Variants in GFRAL observed in about 807,000 individuals in gnomAD.
GFRAL encodes GDNF family receptor alpha-like.
GFRAL carries 36 observed loss-of-function variants against 45.4 expected under a neutral mutation model. That is an observed-to-expected ratio of 0.79 (90% CI 0.61 to 1.05). The LOEUF (loss-of-function observed/expected upper bound fraction) is 1.05, where lower values mean the gene tolerates loss of function less well. Ranked by LOEUF, GFRAL falls within the 50% of genes least tolerant of loss-of-function variation. The pLI is 0.00. For missense variants in GFRAL, 507 were observed against 467.5 expected (o/e 1.08, Z -0.78); for synonymous variants, 166 against 154.1 (o/e 1.08, Z -0.57).
intron 6 of GFRAL, among the ~76,000 whole-genome samples, chr6:55,389,410 GAAATCTCT>G (rs1768719214): frequency 5.9e-5 from 9 of 152,114 alleles, no homozygotes; most frequent in Non-Finnish European, 1.5e-5. Flanking sequence ...ATAGAACCCA[GAAATCTCT>G]CATTGCTCCA....
At chr6:55,371,566 G>A (rs1768450507) in intron 6 of GFRAL, among the ~76,000 whole-genome samples, 2 of 152,204 alleles carry the variant, frequency 1.3e-5, no homozygotes, top group South Asian at 2.1e-4. Context: ...CATTAAGTCT[G>A]ACATTTGTCA....
chr6:55,373,294 G>A (rs1013800383), intron 6 of GFRAL, among the ~76,000 whole-genome samples: 1 of 151,984 alleles, frequency 6.6e-6, no homozygotes, highest in Non-Finnish European at 1.5e-5. Context: ...ATTTTTCCAC[G>A]GCCATATCTG....
intron 2 of GFRAL, among the ~76,000 whole-genome samples, chr6:55,332,434 A>C (rs1344070137): frequency 1.4e-5 from 2 of 140,644 alleles, no homozygotes; most frequent in South Asian, 2.2e-4. Context: ...TTTTTTTTTT[A>C]TTTTGAGACT....
At position 55,387,862 on chromosome 6, in the gene GFRAL, C is replaced by T. The variant is rs988897969; in HGVS notation, c.953-11318C>T. Among the ~76,000 whole-genome samples, 8 of 152,104 alleles carry T rather than the reference C, an allele frequency of 5.3e-5. 1 individual carries two copies. Among genetic ancestry groups the T allele is most frequent in the Admixed American group, 2.0e-4 (3 of 15,268 alleles). On this transcript the variant is annotated intron_variant, in intron 6 of 8. Coordinates refer to ENST00000340465, the MANE Select transcript of GFRAL (RefSeq NM_207410.2). Reference sequence around the variant, plus strand: ...CTAATAAGCTATAAAATGAGAACAACGTAATTTTCATTCTGTGCAACCATT... The same window carrying T: ...CTAATAAGCTATAAAATGAGAACAATGTAATTTTCATTCTGTGCAACCATT...
chr6:55,399,433 C>T lies in GFRAL; in HGVS notation c.1113C>T (p.Val371=). Residue 371 remains valine (V), a synonymous_variant, in exon 8 of 9, where the codon GTC becomes GTT. Transcript: ENST00000340465. ...GTGGAATCCTTCTGTTGGTTATGGT[C>T]AAGCTTAGGTAACTGAATATAAATT... The part of the protein sequence containing the change: ...VTCGILLLVM[V]KLRTSRISSK... 1.0e-5 allele frequency: 16 copies of T among 1,600,962 alleles called. No homozygotes were observed. Among genetic ancestry groups the T allele is most frequent in the Non-Finnish European group, 1.3e-5 (15 of 1,168,182 alleles).
chr6:55,368,070 C>G (rs1192065372), intron 6 of GFRAL, among the ~76,000 whole-genome samples: 1 of 149,318 alleles, frequency 6.7e-6, no homozygotes, highest in Admixed American at 6.7e-5. Flanking sequence ...CCATCACTTT[C>G]AGGTACACCA....
At chr6:55,364,347 C>T (rs973579378) in intron 6 of GFRAL, among the ~76,000 whole-genome samples, 38 of 150,298 alleles carry the variant, frequency 2.5e-4, no homozygotes, top group Non-Finnish European at 2.4e-4. Flanking sequence ...AGCCCTTTGT[C>T]GGATGAGTAG....
At position 55,333,770 on chromosome 6, in the gene GFRAL, T is replaced by G; in HGVS notation, c.158-16T>G. The G allele has an allele frequency of 6.4e-7, 1 of 1,560,864 alleles. No individual in the cohort carries two copies. The highest frequency in any genetic ancestry group is 8.7e-7 in the Non-Finnish European group (1 of 1,149,984). ...AATCAGATTAATATCTATAGTGTTA[T>G]GTGTTTGATTGTGAGATCCAGGTGA... On this transcript the variant is annotated splice_polypyrimidine_tract_variant and intron_variant, in intron 2 of 8. Coordinates refer to ENST00000340465, the MANE Select transcript of GFRAL (RefSeq NM_207410.2).
At chr6:55,336,584 A>G (rs888433834) in intron 3 of GFRAL, among the ~76,000 whole-genome samples, 1 of 152,208 alleles carries the variant, frequency 6.6e-6, no homozygotes, top group Admixed American at 6.5e-5. Context: ...TTCTATATGG[A>G]CTTTATAGCC....
intron 5 of GFRAL, among the ~76,000 whole-genome samples, chr6:55,353,004 G>A (rs1285966979): frequency 6.6e-6 from 1 of 152,046 alleles, no homozygotes; most frequent in Admixed American, 6.6e-5. Flanking sequence ...TAGATACTGA[G>A]AGAGGAGATA....
Position 55,402,258 on chromosome 6 carries a change from G to T in GFRAL, c.*405G>T, listed in dbSNP as rs1561870571. 2 of 156,744 alleles carry T rather than the reference G, an allele frequency of 1.3e-5. No homozygotes were observed. Among genetic ancestry groups the T allele is most frequent in the African/African-American group, 4.8e-5 (2 of 41,306 alleles). The allele number at this position is 156,744 out of a possible 1,614,324, so 9.7% of individuals were successfully genotyped here. A position where few individuals can be genotyped will look rare whatever the true frequency, so the allele number is the denominator to read the frequency against. ...GCCTCCCAAAGTGCTGGGATTACAG[G>T]CGTGAGCAACCACGTCAAGACAACA... On this transcript the variant is annotated 3_prime_UTR_variant, in exon 9 of 9. Coordinates refer to ENST00000340465, the MANE Select transcript of GFRAL (RefSeq NM_207410.2).
intron 6 of GFRAL, among the ~76,000 whole-genome samples, chr6:55,378,313 T>C (rs1045545343): frequency 1.3e-5 from 2 of 152,050 alleles, no homozygotes; most frequent in African/African-American, 2.4e-5. Context: ...TAAATTCTAG[T>C]TGGAAAGCAT....
At chr6:55,340,841 C>T (rs1390622508) in intron 3 of GFRAL, among the ~76,000 whole-genome samples, 3 of 152,190 alleles carry the variant, frequency 2.0e-5, no homozygotes, top group African/African-American at 4.8e-5. Flanking sequence ...TGCACTTTTC[C>T]AGTGGTCTTA....
Position 55,394,330 on chromosome 6 carries a change from C to A in GFRAL, c.953-4850C>A, listed in dbSNP as rs148343806. Among the ~76,000 whole-genome samples the A allele has an allele frequency of 3.1e-3, 474 of 152,200 alleles. 3 individuals are homozygous for A. Among genetic ancestry groups the A allele is most frequent in the African/African-American group, 9.6e-3 (400 of 41,538 alleles). Reference sequence around the variant, plus strand: ...ATCACTCAGTAAGATTATTAGGTTTCTTCTTACTTAAGGGGAGGGGCAGGA... The same window carrying A: ...ATCACTCAGTAAGATTATTAGGTTTATTCTTACTTAAGGGGAGGGGCAGGA... On this transcript the variant is annotated intron_variant, in intron 6 of 8. Transcript: ENST00000340465.
At chr6:55,393,311 A>G (rs1274642754) in intron 6 of GFRAL, among the ~76,000 whole-genome samples, 1 of 152,192 alleles carries the variant, frequency 6.6e-6, no homozygotes, top group Non-Finnish European at 1.5e-5. Flanking sequence ...ATCTAACCCA[A>G]AATTTTCTAA....
At chr6:55,353,446 C>T (rs974825123) in intron 5 of GFRAL, among the ~76,000 whole-genome samples, 19 of 152,014 alleles carry the variant, frequency 1.2e-4, no homozygotes, top group Admixed American at 3.9e-4. Context: ...AAGAGCTAAG[C>T]AGAGTCCTAG....
intron 6 of GFRAL, among the ~76,000 whole-genome samples, chr6:55,373,894 C>G (rs1768489165): frequency 6.6e-6 from 1 of 152,082 alleles, no homozygotes; most frequent in African/African-American, 2.4e-5. Flanking sequence ...CTGATGCTCT[C>G]CCTCCTCCCA....
chr6:55,358,892 C>T lies in GFRAL; in HGVS notation c.706C>T (p.His236Tyr). 6.2e-7 allele frequency: 1 copy of T among 1,611,306 alleles called. No individual in the cohort carries two copies. The highest frequency in any genetic ancestry group is 8.5e-7 in the Non-Finnish European group (1 of 1,178,142). Reference sequence around the variant, plus strand: ...TTTTCTTCACTCTTTCTCTAGGAGGCACTATAGAACATTTCAGTCAAAATG... The same window carrying T: ...TTTTCTTCACTCTTTCTCTAGGAGGTACTATAGAACATTTCAGTCAAAATG... Reference protein sequence around the residue: ...SCQNDELCRRHYRTFQSKCWQ... With the variant: ...SCQNDELCRRYYRTFQSKCWQ... Residue 236 changes from histidine (H) to tyrosine (Y), a missense_variant, in exon 6 of 9, where the codon CAC becomes TAC. By Grantham distance (83) the His-to-Tyr change is moderately conservative. Transcript: ENST00000340465.
chr6:55,329,730 T>G (rs1326108955), intron 1 of GFRAL, among the ~76,000 whole-genome samples: 2 of 152,088 alleles, frequency 1.3e-5, no homozygotes, highest in Admixed American at 1.3e-4. Flanking sequence ...AGAAAAATGT[T>G]ACCAAGCTAC....
Sources: gnomAD v4.1 joint callset for allele counts (sites outside exome capture counted in the v4.1 genomes callset) on GRCh38, gnomAD v4.1.1 for gene constraint, MANE v1.5 for transcripts, NCBI Gene and HGNC (gene_info 2026-07-23, HGNC 2026-07-21) for gene names.